Variants in GNAL observed in about 807,000 individuals in gnomAD.
GNAL encodes the protein guanine nucleotide-binding protein G(olf) subunit alpha.
A neutral mutation model predicts 55.1 loss-of-function variants in GNAL; 18 were observed. The ratio of observed to expected loss-of-function variants is 0.33; its 90% CI spans 0.23 to 0.48. GNAL has a LOEUF of 0.48. GNAL is among the 20% of genes least tolerant of loss of function. The pLI is 0.99. For synonymous variants in GNAL, 253 were observed against 237.0 expected (o/e 1.07, Z -0.62); for missense variants, 412 against 614.1 (o/e 0.67, Z 3.48).
intron 4 of GNAL, among the ~76,000 whole-genome samples, chr18:11,771,422 T>C (rs974728851): frequency 6.6e-6 from 1 of 152,108 alleles, no homozygotes; most frequent in Admixed American, 6.5e-5. Context: ...ATTTCATTTT[T>C]TTTTCTAAAT....
Position 11,884,798 on chromosome 18 carries a change from AC to A in GNAL, c.*3668del. The A allele has an allele frequency of 1.5e-6, 2 of 1,372,808 alleles. No individual in the cohort carries two copies. The highest frequency in any genetic ancestry group is 1.5e-5 in the South Asian group (1 of 65,280). The allele number at this position is 1,372,808 out of a possible 1,614,324, so 85.0% of individuals were successfully genotyped here. A position where few individuals can be genotyped will look rare whatever the true frequency, so the allele number is the denominator to read the frequency against. Reference sequence around the variant, plus strand: ...GCCCAGCCTTCTCCCTGCACAGCTCACCCCCGACCAGCCCAGGCTCCAGCAG... The same window carrying A: ...GCCCAGCCTTCTCCCTGCACAGCTCACCCCGACCAGCCCAGGCTCCAGCAG... On this transcript the variant is annotated 3_prime_UTR_variant, in exon 12 of 12. Coordinates refer to ENST00000334049, the MANE Select transcript of GNAL (RefSeq NM_182978.4).
intron 1 of GNAL, chr18:11,746,099 G>T: frequency 1.9e-6 from 1 of 517,942 alleles, no homozygotes; most frequent in South Asian, 1.5e-5. Flanking sequence ...AGCACTCCAC[G>T]ACTCCCCTTT....
At chr18:11,849,692 T>C (rs1341047520) in intron 5 of GNAL, among the ~76,000 whole-genome samples, 7 of 151,704 alleles carry the variant, frequency 4.6e-5, no homozygotes, top group Non-Finnish European at 4.4e-5. Flanking sequence ...TTTCTTCCCC[T>C]TTTTTTTGGT....
chr18:11,860,374 T>C (rs2036104123), intron 5 of GNAL, among the ~76,000 whole-genome samples: 1 of 152,152 alleles, frequency 6.6e-6, no homozygotes, highest in Non-Finnish European at 1.5e-5. Flanking sequence ...AGTTAAGATG[T>C]CCAAGGAAAT....
intron 1 of GNAL, among the ~76,000 whole-genome samples, chr18:11,741,607 A>G (rs1269119147): frequency 6.6e-6 from 1 of 152,230 alleles, no homozygotes; most frequent in Non-Finnish European, 1.5e-5. Context: ...GAAGTGTGCT[A>G]GATGTATAGT....
intron 5 of GNAL, among the ~76,000 whole-genome samples, chr18:11,834,975 G>A (rs1040106213): frequency 1.2e-4 from 19 of 152,120 alleles, no homozygotes; most frequent in Admixed American, 5.9e-4. Context: ...CGCTTCTACC[G>A]TAAGACTATT....
intron 4 of GNAL, among the ~76,000 whole-genome samples, chr18:11,802,315 G>T (rs1457480916): frequency 6.6e-6 from 1 of 152,142 alleles, no homozygotes; most frequent in Non-Finnish European, 1.5e-5. Context: ...GAAATGTCAA[G>T]TCCTTACTGG....
chr18:11,857,544 A>T (rs1300781364), intron 5 of GNAL: 2 of 985,374 alleles, frequency 2.0e-6, no homozygotes, highest in South Asian at 4.7e-5. Flanking sequence ...AGTCATGAGA[A>T]ATGATGGTTC....
intron 5 of GNAL, chr18:11,833,591 T>G (rs1279954707): frequency 1.3e-5 from 2 of 152,182 alleles, no homozygotes; most frequent in African/African-American, 4.8e-5. Context: ...TTTTAAAATA[T>G]CTCAGAAAAT....
chr18:11,799,081 C>A (rs1335063713), intron 4 of GNAL, among the ~76,000 whole-genome samples: 1 of 151,784 alleles, frequency 6.6e-6, no homozygotes, highest in Admixed American at 6.6e-5. Context: ...CCACTGCACT[C>A]CAGCCTGGGC....
intron 5 of GNAL, among the ~76,000 whole-genome samples, chr18:11,837,068 C>T (rs1336912989): frequency 1.3e-5 from 2 of 152,242 alleles, no homozygotes; most frequent in Non-Finnish European, 2.9e-5. Flanking sequence ...ATTCTCCTGC[C>T]TCAGCCTGCT....
At chr18:11,745,940 G>A in intron 1 of GNAL, 1 of 242,470 alleles carries the variant, frequency 4.1e-6, no homozygotes, top group Non-Finnish European at 8.4e-6. Flanking sequence ...TTGTATGTTG[G>A]ATGATGTATT....
chr18:11,788,652 A>C (rs113528370), intron 4 of GNAL, among the ~76,000 whole-genome samples: 38 of 151,912 alleles, frequency 2.5e-4, no homozygotes, highest in African/African-American at 8.7e-4. Context: ...CAGGCGGATC[A>C]CCTGAGGTCA....
chr18:11,824,292 G>A (rs1208083523), intron 4 of GNAL, among the ~76,000 whole-genome samples: 2 of 151,038 alleles, frequency 1.3e-5, no homozygotes, highest in Admixed American at 6.6e-5. Context: ...TTAAGTTACT[G>A]AATTCTAAAT....
At chr18:11,800,167 G>A (rs555451115) in intron 4 of GNAL, among the ~76,000 whole-genome samples, 1 of 151,656 alleles carries the variant, frequency 6.6e-6, no homozygotes, top group Admixed American at 6.6e-5. Flanking sequence ...CATAGTATAC[G>A]TGATAGATAG....
At position 11,872,265 on chromosome 18, in the gene GNAL, T is replaced by C; in HGVS notation, c.1032-3T>C. 1 of 1,571,414 alleles carries C rather than the reference T, an allele frequency of 6.4e-7. No individual in the cohort carries two copies. On this transcript the variant is annotated splice_region_variant and splice_polypyrimidine_tract_variant and intron_variant, in intron 9 of 11. Coordinates refer to ENST00000334049, the MANE Select transcript of GNAL (RefSeq NM_182978.4). ...ATTTGTATGTTTATTTTTCCTTTTT[T>C]AGGTGGTTACGGACCATTTCTATCA...
chr18:11,703,618 C>A (rs1253005005), intron 1 of GNAL, among the ~76,000 whole-genome samples: 1 of 152,160 alleles, frequency 6.6e-6, no homozygotes, highest in Non-Finnish European at 1.5e-5. Context: ...AAAAAGCATG[C>A]CGAGCTGTGG....
intron 10 of GNAL, 29 bp downstream of exon 10, chr18:11,872,427 T>A: frequency 7.0e-7 from 1 of 1,422,158 alleles, no homozygotes; most frequent in Non-Finnish European, 9.7e-7. Context: ...TTCTTATGAT[T>A]GAGGAATAGA....
chr18:11,702,968 A>T (rs2031611246), intron 1 of GNAL, among the ~76,000 whole-genome samples: 1 of 152,162 alleles, frequency 6.6e-6, no homozygotes, highest in African/African-American at 2.4e-5. Context: ...AATTACAAAA[A>T]TTAGATGGGC....
Sources: allele counts gnomAD v4.1 joint callset (sites outside exome capture counted in the v4.1 genomes callset), GRCh38; gene constraint gnomAD v4.1.1; transcripts MANE v1.5; gene names NCBI Gene and HGNC (gene_info 2026-07-23, HGNC 2026-07-21).